The following MCTP1 variants were observed in gnomAD, a reference collection of about 807,000 sequenced individuals.
MCTP1 encodes the protein multiple C2 and transmembrane domain containing 1.
A neutral mutation model predicts 120.6 loss-of-function variants in MCTP1; 69 were observed. That is an observed-to-expected ratio of 0.57 (90% confidence interval 0.47 to 0.70). MCTP1 has a LOEUF of 0.70. Ranked by LOEUF, MCTP1 falls within the 30% of genes least tolerant of loss-of-function variation. The pLI, the probability that MCTP1 is intolerant of heterozygous loss-of-function variation, is 0.00. For missense variants in MCTP1, 1,203 were observed against 1,248.8 expected, an observed-to-expected ratio of 0.96 and a Z score of 0.55; for synonymous variants, 529 against 493.1, an observed-to-expected ratio of 1.07 and a Z score of -0.96.
intron 2 of MCTP1, among the ~76,000 whole-genome samples, chr5:94,970,260 T>G (rs1441708514): frequency 6.6e-6 from 1 of 152,000 alleles, no homozygotes; most frequent in East Asian, 1.9e-4. Flanking sequence ...TCATGTTGTA[T>G]CCCAAATATA....
chr5:94,812,480 T>A (rs1277465143), intron 17 of MCTP1, among the ~76,000 whole-genome samples: 4 of 136,974 alleles, frequency 2.9e-5, no homozygotes, highest in African/African-American at 2.8e-5. Flanking sequence ...CCCAAAAAAC[T>A]AAAACTAAAA....
intron 1 of MCTP1, among the ~76,000 whole-genome samples, chr5:95,234,813 CT>C (rs1755356469): frequency 6.6e-6 from 1 of 152,090 alleles, no homozygotes; most frequent in African/African-American, 2.4e-5. Flanking sequence ...ACTGAATAGC[CT>C]TATAGCTAGC....
intron 1 of MCTP1, among the ~76,000 whole-genome samples, chr5:95,256,119 T>C (rs1411253566): frequency 6.6e-6 from 1 of 152,180 alleles, no homozygotes; most frequent in African/African-American, 2.4e-5. Flanking sequence ...TTTCCTCCTT[T>C]GCTTTCTTCC....
intron 1 of MCTP1, 73 bp from the exon 2 acceptor site, chr5:95,017,557 A>C (rs185360786): frequency 2.1e-4 from 150 of 699,282 alleles, no homozygotes; most frequent in Middle Eastern, 4.0e-4. Flanking sequence ...GGGACCATAT[A>C]TAGCTTAACC....
chr5:94,882,532 T>C (rs1800346445), intron 12 of MCTP1, among the ~76,000 whole-genome samples: 1 of 97,466 alleles, frequency 1.0e-5, no homozygotes, highest in South Asian at 3.2e-4. Context: ...TGTTGCAATG[T>C]AACAAAATAT....
intron 1 of MCTP1, among the ~76,000 whole-genome samples, chr5:95,049,388 C>T (rs1323156430): frequency 1.3e-5 from 2 of 152,094 alleles, no homozygotes; most frequent in Non-Finnish European, 2.9e-5. Flanking sequence ...CAAGCAGATG[C>T]CTCACATGAA....
chr5:94,920,340 T>C (rs1374043272), intron 7 of MCTP1, among the ~76,000 whole-genome samples: 1 of 149,904 alleles, frequency 6.7e-6, no homozygotes, highest in Non-Finnish European at 1.5e-5. Flanking sequence ...AATAACATCA[T>C]ACTTAAAAAT....
chr5:94,917,783 C>G, intron 8 of MCTP1, 113 bp downstream of exon 8: 1 of 684,628 alleles, frequency 1.5e-6, no homozygotes. Flanking sequence ...CTTTTCATAT[C>G]TACAAAATAG....
chr5:94,981,334 T>A (rs1349097734), intron 2 of MCTP1, among the ~76,000 whole-genome samples: 1 of 152,190 alleles, frequency 6.6e-6, no homozygotes, highest in Non-Finnish European at 1.5e-5. Context: ...TCCAATGCCA[T>A]TAACATCCTA....
rs1304874747 is a variant in MCTP1, at chr5:94,763,096, A to G, written c.2610+16014T>C. ...TCTCTCAAATTTGTTTCTTTCTATTATCATTTTTACTGTTAAGTTAAAGAT... is the reference window on the plus strand; with the variant it reads ...TCTCTCAAATTTGTTTCTTTCTATTGTCATTTTTACTGTTAAGTTAAAGAT... On this transcript the variant is annotated intron_variant, in intron 19 of 22. Coordinates refer to ENST00000515393, the MANE Select transcript of MCTP1 (RefSeq NM_024717.7). Among the ~76,000 whole-genome samples the G allele has an allele frequency of 2.6e-5, 4 of 152,274 alleles. No individual in the cohort carries two copies. In the East Asian group the frequency reaches 7.7e-4, roughly 29 times the overall value.
At chr5:95,068,378 T>G (rs564842090) in intron 1 of MCTP1, among the ~76,000 whole-genome samples, 1 of 152,270 alleles carries the variant, frequency 6.6e-6, no homozygotes, top group South Asian at 2.1e-4. Flanking sequence ...AAATACTTAA[T>G]TCCAACAGAC....
At chr5:94,732,943 G>T (rs941924563) in intron 19 of MCTP1, among the ~76,000 whole-genome samples, 11 of 152,060 alleles carry the variant, frequency 7.2e-5, no homozygotes, top group Non-Finnish European at 1.6e-4. Flanking sequence ...AATCATTCAG[G>T]TATGGTTTAT....
In MCTP1 at chr5:94,942,367, T is replaced by C; in HGVS notation, c.1042A>G (p.Thr348Ala). The C allele has an allele frequency of 6.2e-7, 1 of 1,611,280 alleles. No homozygotes were observed. The highest frequency in any genetic ancestry group is 2.2e-5 in the East Asian group (1 of 44,794). Residue 348 changes from threonine to alanine, a missense_variant, in exon 4 of 23, where the codon ACA becomes GCA. This residue lies in a region of MCTP1 where 740 missense variants were observed against 871.1 expected (regional missense o/e 0.85). Coordinates refer to ENST00000515393, the MANE Select transcript of MCTP1 (RefSeq NM_024717.7). ...DFMGSAFLDL[T>A]QLELNRPTDV... ...AGTTACCTGTTTAACTCCAATTGTG[T>C]CAGATCCAGAAAGGCTGAGCCCATA...
At chr5:95,116,072 C>T (rs545911319) in intron 1 of MCTP1, among the ~76,000 whole-genome samples, 6 of 151,258 alleles carry the variant, frequency 4.0e-5, no homozygotes, top group Admixed American at 6.6e-5. Context: ...CCTTCGAACA[C>T]GAAGGAGAAA....
intron 1 of MCTP1, among the ~76,000 whole-genome samples, chr5:95,279,718 T>C (rs540505536): frequency 6.6e-6 from 1 of 152,340 alleles, no homozygotes; most frequent in South Asian, 2.1e-4. Context: ...ACACTTATTA[T>C]AGCAAGTAAA....
chr5:95,161,203 A>T (rs1208925964), intron 1 of MCTP1, among the ~76,000 whole-genome samples: 2 of 152,206 alleles, frequency 1.3e-5, no homozygotes, highest in African/African-American at 4.8e-5. Context: ...GGTGTCCATC[A>T]TCAGATGCAC....
chr5:94,973,979 G>T (rs1827484366), intron 2 of MCTP1, among the ~76,000 whole-genome samples: 1 of 152,002 alleles, frequency 6.6e-6, no homozygotes, highest in African/African-American at 2.4e-5. Flanking sequence ...CATTGTGAGG[G>T]TTTAATTACA....
At chr5:95,147,923 G>A (rs375727135) in intron 1 of MCTP1, among the ~76,000 whole-genome samples, 1 of 152,132 alleles carries the variant, frequency 6.6e-6, no homozygotes, top group East Asian at 1.9e-4. Context: ...GTGTTTGCTT[G>A]TCTGAGAAGA....
chr5:94,803,918 A>G (rs1021876982), intron 17 of MCTP1, among the ~76,000 whole-genome samples: 1 of 152,170 alleles, frequency 6.6e-6, no homozygotes, highest in African/African-American at 2.4e-5. Flanking sequence ...GGTCAAGGAT[A>G]GAGTAGCAAA....
Sources: gnomAD v4.1 joint callset for allele counts (sites outside exome capture counted in the v4.1 genomes callset) on GRCh38, gnomAD v4.1.1 for gene constraint, gnomAD v4.1.1 regional missense constraint, MANE v1.5 for transcripts, NCBI Gene and HGNC (gene_info 2026-07-23, HGNC 2026-07-21) for gene names.